CNTN5: variants seen among roughly 807,000 people sequenced by gnomAD.
CNTN5 encodes the protein contactin 5.
In CNTN5, 77 loss-of-function variants were observed where a neutral mutation model predicts 129.1. The ratio of observed to expected loss-of-function variants is 0.60; its 90% confidence interval spans 0.50 to 0.72. The LOEUF is 0.72. CNTN5 is among the 30% of genes least tolerant of loss of function. The pLI is 0.00. For missense variants in CNTN5, 1,478 were observed against 1,328.8 expected, an observed-to-expected ratio of 1.11 and a Z score of -1.75; for synonymous variants, 509 against 465.6, an observed-to-expected ratio of 1.09 and a Z score of -1.20.
chr11:100,329,563 C>T (rs990333182), intron 21 of CNTN5, among the ~76,000 whole-genome samples: 3 of 152,322 alleles, frequency 2.0e-5, no homozygotes, highest in South Asian at 4.1e-4. Flanking sequence ...AGGACCTTCA[C>T]AGTGTCCACT....
intron 13 of CNTN5, among the ~76,000 whole-genome samples, chr11:100,154,344 CTAT>C: frequency 1.1e-5 from 1 of 90,276 alleles, no homozygotes; most frequent in Non-Finnish European, 2.1e-5. Flanking sequence ...TTTATCCAGT[CTAT>C]CAATCATTGA....
rs143311149 is a variant in CNTN5 at position 99,673,566 on chromosome 11, A to G, written c.55+117297A>G. ...CCAGGTATTAAGCCTTGTATCCACT[A>G]GTTATTTTTGCTCATCCTCTCCCTC... is the stretch of plus-strand genomic sequence containing the variant. On this transcript the variant is annotated intron_variant, in intron 3 of 24. Transcript: ENST00000524871. Among the ~76,000 whole-genome samples, 3 of 152,158 alleles carry G rather than the reference A, an allele frequency of 2.0e-5. No individual in the cohort carries two copies. In the East Asian group the frequency reaches 5.8e-4, roughly 29 times the overall value.
chr11:100,010,183 T>C (rs914957727), intron 9 of CNTN5, among the ~76,000 whole-genome samples: 1 of 152,110 alleles, frequency 6.6e-6, no homozygotes, highest in Non-Finnish European at 1.5e-5. Flanking sequence ...TAATTAAACA[T>C]TGGTGATGTT....
intron 2 of CNTN5, among the ~76,000 whole-genome samples, chr11:99,412,127 G>C (rs1220413403): frequency 6.6e-6 from 1 of 151,992 alleles, no homozygotes; most frequent in Non-Finnish European, 1.5e-5. Context: ...ACATTTCCTT[G>C]TATGATTTTT....
chr11:99,802,976 G>T (rs1946159530), intron 3 of CNTN5, among the ~76,000 whole-genome samples: 2 of 152,218 alleles, frequency 1.3e-5, no homozygotes, highest in Non-Finnish European at 2.9e-5. Context: ...GCATGGAGTG[G>T]AGAGGGTCCT....
intron 8 of CNTN5, among the ~76,000 whole-genome samples, chr11:99,992,654 T>G (rs1422354334): frequency 6.6e-6 from 1 of 152,188 alleles, no homozygotes; most frequent in African/African-American, 2.4e-5. Context: ...TTGTCCAGGT[T>G]TTTCTGGTGT....
At chr11:100,043,331 C>T (rs1020357104) in intron 9 of CNTN5, among the ~76,000 whole-genome samples, 1 of 152,116 alleles carries the variant, frequency 6.6e-6, no homozygotes, top group African/African-American at 2.4e-5. Flanking sequence ...TTTCATTTAA[C>T]AATAGCTTAT....
intron 3 of CNTN5, among the ~76,000 whole-genome samples, chr11:99,568,722 A>T (rs182726606): frequency 5.9e-5 from 9 of 152,362 alleles, no homozygotes; most frequent in African/African-American, 2.2e-4. Context: ...TATAATATGT[A>T]AAACGAACCA....
At chr11:100,050,994 G>A (rs368322345) in intron 9 of CNTN5, among the ~76,000 whole-genome samples, 1 of 152,112 alleles carries the variant, frequency 6.6e-6, no homozygotes, top group African/African-American at 2.4e-5. Context: ...AATAGTTGGA[G>A]ATTTTAACAC....
intron 7 of CNTN5, among the ~76,000 whole-genome samples, chr11:99,921,039 C>G (rs1949926169): frequency 6.6e-6 from 1 of 152,074 alleles, no homozygotes; most frequent in Non-Finnish European, 1.5e-5. Flanking sequence ...TGTCCATCTG[C>G]AAACCAGAAA....
At chr11:99,413,948 T>C (rs1565562645) in intron 2 of CNTN5, among the ~76,000 whole-genome samples, 1 of 152,218 alleles carries the variant, frequency 6.6e-6, no homozygotes, top group African/African-American at 2.4e-5. Context: ...CTTTCACAAA[T>C]CTACTTATGG....
chr11:100,263,556 A>G (rs928393984), intron 17 of CNTN5, among the ~76,000 whole-genome samples: 5 of 152,144 alleles, frequency 3.3e-5, no homozygotes, highest in Non-Finnish European at 5.9e-5. Context: ...TGTATTATAG[A>G]TAATTGCTCA....
chr11:100,108,306 A>G (rs982761991), intron 13 of CNTN5, among the ~76,000 whole-genome samples: 2 of 152,160 alleles, frequency 1.3e-5, no homozygotes, highest in African/African-American at 4.8e-5. Context: ...TGGCTTTACA[A>G]AAACATCATT....
chr11:100,248,317 T>C (rs1949891542), intron 16 of CNTN5, among the ~76,000 whole-genome samples: 1 of 151,976 alleles, frequency 6.6e-6, no homozygotes, highest in Admixed American at 6.6e-5. Context: ...GAGGCCAAGT[T>C]TGGGACTGCT....
intron 1 of CNTN5, among the ~76,000 whole-genome samples, chr11:99,071,175 G>T (rs116717383): frequency 0.032 from 4,861 of 152,126 alleles, 208 homozygotes; most frequent in African/African-American, 0.095. Context: ...GGAAACTGAG[G>T]CTCAAAGAAC....
chr11:99,462,250 G>T (rs1348042261), intron 2 of CNTN5, among the ~76,000 whole-genome samples: 1 of 151,610 alleles, frequency 6.6e-6, no homozygotes, highest in Non-Finnish European at 1.5e-5. Context: ...ATAAAAGTTT[G>T]TATTTTGTAT....
At chr11:100,047,110 G>A (rs904189940) in intron 9 of CNTN5, among the ~76,000 whole-genome samples, 7 of 152,012 alleles carry the variant, frequency 4.6e-5, no homozygotes, top group Non-Finnish European at 7.4e-5. Flanking sequence ...CAAATACCAA[G>A]CTATGAGTGT....
At chr11:99,579,419 G>A (rs1383883350) in intron 3 of CNTN5, among the ~76,000 whole-genome samples, 1 of 151,972 alleles carries the variant, frequency 6.6e-6, no homozygotes, top group East Asian at 1.9e-4. Flanking sequence ...ATTACCTTGG[G>A]CAGAATGGCC....
chr11:99,576,955 C>A (rs1949375389), intron 3 of CNTN5, among the ~76,000 whole-genome samples: 1 of 152,136 alleles, frequency 6.6e-6, no homozygotes, highest in South Asian at 2.1e-4. Flanking sequence ...AACATTCAGA[C>A]CACAGCACAA....
Sources: allele counts gnomAD v4.1 joint callset (sites outside exome capture counted in the v4.1 genomes callset), GRCh38; gene constraint gnomAD v4.1.1; transcripts MANE v1.5; gene names NCBI Gene and HGNC (gene_info 2026-07-23, HGNC 2026-07-21).